Variants in ATP8A1 observed in about 807,000 individuals in gnomAD.
The protein encoded by ATP8A1 is phospholipid-transporting ATPase IA.
In ATP8A1, 90 loss-of-function variants were observed where a neutral mutation model predicts 177.7. The ratio of observed to expected loss-of-function variants is 0.51; its 90% CI spans 0.43 to 0.60. The LOEUF is 0.60. ATP8A1 is among the 20% of genes least tolerant of loss of function. The pLI is 0.00. For synonymous variants in ATP8A1, 493 were observed against 485.9 expected, an observed-to-expected ratio of 1.01 and a Z score of -0.19; for missense variants, 1,072 against 1,392.8, an observed-to-expected ratio of 0.77 and a Z score of 3.67.
At chr4:42,500,523 T>C (rs1333067579) in intron 24 of ATP8A1, among the ~76,000 whole-genome samples, 1 of 152,098 alleles carries the variant, frequency 6.6e-6, no homozygotes, top group Non-Finnish European at 1.5e-5. Context: ...AAATACCTAA[T>C]AGGTTTTGAT....
chr4:42,506,097 A>G (rs1330037425), intron 23 of ATP8A1, among the ~76,000 whole-genome samples: 3 of 152,120 alleles, frequency 2.0e-5, no homozygotes, highest in Admixed American at 2.0e-4. Flanking sequence ...CATAGTCTTT[A>G]AGGAGGTAAT....
At chr4:42,548,790 T>C (rs926838535) in intron 19 of ATP8A1, among the ~76,000 whole-genome samples, 2 of 152,188 alleles carry the variant, frequency 1.3e-5, no homozygotes, top group Admixed American at 1.3e-4. Context: ...ACTTTAAAAC[T>C]GCAACCAGTA....
chr4:42,539,107 C>A (rs1384212540), intron 20 of ATP8A1, among the ~76,000 whole-genome samples: 1 of 152,118 alleles, frequency 6.6e-6, no homozygotes, highest in Non-Finnish European at 1.5e-5. Flanking sequence ...GCACTCGCAA[C>A]AACCTGGATG....
intron 27 of ATP8A1, among the ~76,000 whole-genome samples, chr4:42,456,130 C>A (rs1398897278): frequency 1.3e-5 from 2 of 152,130 alleles, no homozygotes; most frequent in African/African-American, 2.4e-5. Flanking sequence ...ATACTCTGCT[C>A]CACCCCCTTA....
chr4:42,510,289 A>G (rs770153709), intron 22 of ATP8A1, among the ~76,000 whole-genome samples: 15 of 152,348 alleles, frequency 9.8e-5, no homozygotes, highest in Admixed American at 2.0e-4. Context: ...CAGATTTGAA[A>G]TCTACCATAA....
intron 23 of ATP8A1, 130 bp from the exon 24 acceptor site, chr4:42,503,644 C>G (rs1578064473): frequency 1.7e-6 from 1 of 584,538 alleles, no homozygotes; most frequent in East Asian, 3.2e-5. Flanking sequence ...CAGTTGTTTT[C>G]CAGGTTTGTA....
intron 33 of ATP8A1, among the ~76,000 whole-genome samples, chr4:42,426,450 A>T (rs1459021896): frequency 6.6e-6 from 1 of 152,104 alleles, no homozygotes; most frequent in East Asian, 1.9e-4. Context: ...GTCTCCATGG[A>T]CCCCAGTTGG....
rs190939692 is a variant in ATP8A1, at chr4:42,630,573, C to T, written c.50-3464G>A. Among the ~76,000 whole-genome samples, 248 of 152,270 alleles carry T rather than the reference C, an allele frequency of 1.6e-3. 1 individual carries two copies. The highest frequency in any genetic ancestry group is 5.5e-3 in the African/African-American group (228 of 41,556). ...GGTGAACTTTACTGAGAGAAAGAAA[C>T]GCATCTTAATCATGCTCTTTGGTAT... On this transcript the variant is annotated intron_variant, in intron 1 of 36. Coordinates refer to ENST00000381668, the MANE Select transcript of ATP8A1 (RefSeq NM_006095.2).
intron 1 of ATP8A1, among the ~76,000 whole-genome samples, chr4:42,643,759 C>G (rs544483305): frequency 2.6e-5 from 4 of 152,132 alleles, no homozygotes; most frequent in African/African-American, 9.7e-5. Context: ...GCAGATGATT[C>G]GCTGGTAGGT....
At chr4:42,424,232 G>T (rs140117508) in intron 33 of ATP8A1, among the ~76,000 whole-genome samples, 65 of 151,722 alleles carry the variant, frequency 4.3e-4, no homozygotes, top group Non-Finnish European at 8.5e-4. Flanking sequence ...TAATTTCTTT[G>T]TAATAAATAC....
At chr4:42,516,707 G>A (rs747914327) in intron 22 of ATP8A1, among the ~76,000 whole-genome samples, 2 of 151,996 alleles carry the variant, frequency 1.3e-5, no homozygotes, top group African/African-American at 2.4e-5. Context: ...ATAAAATAAG[G>A]AAGAAAGACC....
At chr4:42,525,812 A>G (rs966843935) in intron 20 of ATP8A1, among the ~76,000 whole-genome samples, 5 of 152,176 alleles carry the variant, frequency 3.3e-5, no homozygotes, top group Non-Finnish European at 7.3e-5. Context: ...TTGGAAGCAG[A>G]CTAATGGAGT....
At chr4:42,573,368 A>G (rs1383410844) in intron 14 of ATP8A1, among the ~76,000 whole-genome samples, 1 of 152,210 alleles carries the variant, frequency 6.6e-6, no homozygotes, top group African/African-American at 2.4e-5. Context: ...GGTAGAATAT[A>G]TAAGTACAAG....
chr4:42,486,062 A>G (rs1378426701), intron 24 of ATP8A1, among the ~76,000 whole-genome samples: 1 of 152,214 alleles, frequency 6.6e-6, no homozygotes, highest in African/African-American at 2.4e-5. Flanking sequence ...TACTTTTTGC[A>G]GAAAGGGTAC....
Position 42,440,946 on chromosome 4 carries a change from T to C in ATP8A1, c.3123+2619A>G, listed in dbSNP as rs1241012301. Among the ~76,000 whole-genome samples the C allele has an allele frequency of 6.0e-4, 92 of 152,066 alleles. 1 individual carries two copies. Among genetic ancestry groups the C allele is most frequent in the Admixed American group, 6.0e-3 (92 of 15,272 alleles). On this transcript the variant is annotated intron_variant, in intron 33 of 36. Transcript: ENST00000381668. Reference sequence around the variant, plus strand: ...AATTAATTATTTAGTGTGGAAGGAATTGCTGCCAAATCAACACAGGAAAGG... The same window carrying C: ...AATTAATTATTTAGTGTGGAAGGAACTGCTGCCAAATCAACACAGGAAAGG...
chr4:42,553,381 C>G (rs1416561766), intron 16 of ATP8A1, among the ~76,000 whole-genome samples: 1 of 152,114 alleles, frequency 6.6e-6, no homozygotes, highest in African/African-American at 2.4e-5. Context: ...CTTTGTCTTT[C>G]CTCTCCAAAA....
chr4:42,605,542 G>A (rs1431401048), intron 5 of ATP8A1, among the ~76,000 whole-genome samples: 4 of 152,102 alleles, frequency 2.6e-5, no homozygotes, highest in Admixed American at 2.0e-4. Flanking sequence ...ACTCAATAAC[G>A]GATAGTGGAA....
intron 22 of ATP8A1, among the ~76,000 whole-genome samples, chr4:42,507,780 T>TAAAAAAAAAAAAAAAAAAAAAAAAAA: frequency 5.6e-5 from 1 of 17,700 alleles, no homozygotes; most frequent in Non-Finnish European, 1.0e-4. Flanking sequence ...ACAGGCATTC[T>TAAAAAAAAAAAAAAAAAAAAAAAAAA]AAAAAAAAAA....
In ATP8A1 at chr4:42,580,054, G is replaced by T; in HGVS notation, c.835-76C>A. ...CAATCTATACTTAGTATTCTGTTGA[G>T]GATGACAAAGTCACAACTCAGTATC... On this transcript the variant is annotated intron_variant, in intron 10 of 36. Transcript: ENST00000381668. 14 of 1,176,566 alleles carry T rather than the reference G, an allele frequency of 1.2e-5. No individual in the cohort carries two copies. The South Asian group carries it at 2.1e-4, about 18-fold the overall frequency. The allele number at this position is 1,176,566 out of a possible 1,614,324, so 72.9% of individuals were successfully genotyped here. A position where few individuals can be genotyped will look rare whatever the true frequency, so the allele number is the denominator to read the frequency against.
Sources: gnomAD v4.1 joint callset for allele counts (sites outside exome capture counted in the v4.1 genomes callset) on GRCh38, gnomAD v4.1.1 for gene constraint, MANE v1.5 for transcripts, NCBI Gene and HGNC (gene_info 2026-07-23, HGNC 2026-07-21) for gene names.